The following RAP1A variants were observed in gnomAD, a reference collection of about 807,000 sequenced individuals.
RAP1A encodes the protein RAP1A, member of RAS oncogene family.
Under a neutral mutation model 26.4 loss-of-function variants are expected in RAP1A, and 6 were observed. The ratio of observed to expected loss-of-function variants is 0.23; its 90% CI spans 0.12 to 0.45. The LOEUF is 0.45. Among genes scored for constraint, RAP1A ranks in the 20% least tolerant of loss-of-function variants. The probability of loss-of-function intolerance (pLI) is 0.99; values close to 1 mark genes in which losing one functional copy is unlikely to be tolerated. For synonymous variants in RAP1A, 73 were observed against 79.4 expected (o/e 0.92, Z 0.43); for missense variants, 121 against 217.2 (o/e 0.56, Z 2.78).
intron 1 of RAP1A, among the ~76,000 whole-genome samples, chr1:111,637,433 T>G (rs1659759080): frequency 1.3e-5 from 2 of 152,224 alleles, no homozygotes; most frequent in African/African-American, 4.8e-5. Context: ...GTTTATGTAT[T>G]GTATGTATAT....
At chr1:111,612,493 C>A (rs1349147803) in intron 1 of RAP1A, among the ~76,000 whole-genome samples, 1 of 152,192 alleles carries the variant, frequency 6.6e-6, no homozygotes, top group Non-Finnish European at 1.5e-5. Flanking sequence ...CCATGGGTAT[C>A]TTCCACTCTG....
At chr1:111,690,030 C>A (rs897748372) in intron 1 of RAP1A, among the ~76,000 whole-genome samples, 3 of 152,140 alleles carry the variant, frequency 2.0e-5, no homozygotes, top group African/African-American at 7.2e-5. Flanking sequence ...GGATGCTGGA[C>A]ATTGTTAATT....
At chr1:111,622,659 ATTGT>A (rs1470289488) in intron 1 of RAP1A, among the ~76,000 whole-genome samples, 1 of 152,216 alleles carries the variant, frequency 6.6e-6, no homozygotes, top group Non-Finnish European at 1.5e-5. Context: ...ATTGGACATT[ATTGT>A]TTAACATTTA....
At chr1:111,561,971 A>T (rs1657758452) in intron 1 of RAP1A, among the ~76,000 whole-genome samples, 1 of 151,782 alleles carries the variant, frequency 6.6e-6, no homozygotes, top group African/African-American at 2.4e-5. Context: ...GGTCATCCCT[A>T]GTTTAAATTT....
intron 1 of RAP1A, among the ~76,000 whole-genome samples, chr1:111,625,880 T>C (rs1358589827): frequency 6.6e-6 from 1 of 152,126 alleles, no homozygotes; most frequent in Non-Finnish European, 1.5e-5. Flanking sequence ...GGGCTCAAGC[T>C]ATCCTCCCAC....
At chr1:111,694,130 C>A (rs1661758621) in intron 2 of RAP1A, among the ~76,000 whole-genome samples, 1 of 152,174 alleles carries the variant, frequency 6.6e-6, no homozygotes, top group Admixed American at 6.5e-5. Context: ...TCAAGCAATC[C>A]TCCTGCCTTG....
chr1:111,552,071 T>C (rs865828757), intron 1 of RAP1A, among the ~76,000 whole-genome samples: 1 of 152,258 alleles, frequency 6.6e-6, no homozygotes, highest in Admixed American at 6.5e-5. Flanking sequence ...CCAACTGTTA[T>C]CCATTGTCTC....
At position 111,553,443 on chromosome 1, in the gene RAP1A, A is replaced by G. The variant is rs1657353370; in HGVS notation, c.-28+10934A>G. On this transcript the variant is annotated intron_variant, in intron 1 of 7. Coordinates refer to the RAP1A transcript ENST00000356415. ...TAGAGTCGTTTGTCTCTGACTCAGG[A>G]GTCTCATGTCTTCCACCATCATCCA... 2.0e-5 allele frequency among the ~76,000 whole-genome samples: 3 copies of G among 151,902 alleles called. No homozygotes were observed. In the South Asian group the frequency reaches 6.3e-4, roughly 32 times the overall value.
At chr1:111,607,592 G>A in intron 1 of RAP1A, among the ~76,000 whole-genome samples, 1 of 150,826 alleles carries the variant, frequency 6.6e-6, no homozygotes, top group East Asian at 2.0e-4. Context: ...GGGGCGGCTG[G>A]GCAGAGGCGC....
At chr1:111,614,581 A>C (rs1324642933) in intron 1 of RAP1A, among the ~76,000 whole-genome samples, 1 of 152,216 alleles carries the variant, frequency 6.6e-6, no homozygotes, top group African/African-American at 2.4e-5. Context: ...GGGAGGAAGA[A>C]ATTCTCAGCC....
intron 1 of RAP1A, among the ~76,000 whole-genome samples, chr1:111,690,735 T>G (rs1188550733): frequency 3.9e-5 from 6 of 152,250 alleles, no homozygotes; most frequent in Non-Finnish European, 7.3e-5. Context: ...AAAATAAAGT[T>G]TACGTTCCTT....
intron 1 of RAP1A, among the ~76,000 whole-genome samples, chr1:111,690,009 A>T (rs1661620223): frequency 6.6e-6 from 1 of 151,834 alleles, no homozygotes; most frequent in Non-Finnish European, 1.5e-5. Context: ...CATTTCTATT[A>T]ATTTTTTATT....
intron 1 of RAP1A, among the ~76,000 whole-genome samples, chr1:111,570,939 G>C (rs1014797144): frequency 6.6e-6 from 1 of 152,198 alleles, no homozygotes; most frequent in African/African-American, 2.4e-5. Context: ...TTTTGGTGAA[G>C]ACAAACCATA....
At chr1:111,648,972 A>T (rs998861460) in intron 1 of RAP1A, 2 of 646,196 alleles carry the variant, frequency 3.1e-6, no homozygotes, top group Admixed American at 3.6e-5. Flanking sequence ...GAGAGCCTCG[A>T]TCTCTGGCTT....
intron 1 of RAP1A, among the ~76,000 whole-genome samples, chr1:111,684,528 C>T (rs767867156): frequency 1.3e-5 from 2 of 152,144 alleles, no homozygotes; most frequent in Non-Finnish European, 2.9e-5. Flanking sequence ...AACTCCCATT[C>T]ACAATTGCTA....
intron 1 of RAP1A, among the ~76,000 whole-genome samples, chr1:111,620,290 C>T (rs1245254328): frequency 1.3e-5 from 2 of 152,260 alleles, no homozygotes; most frequent in African/African-American, 4.8e-5. Context: ...AGCCCATTTC[C>T]CTCGCCGTCT....
intron 1 of RAP1A, among the ~76,000 whole-genome samples, chr1:111,609,789 C>G (rs1386212694): frequency 7.9e-5 from 12 of 152,160 alleles, no homozygotes; most frequent in Non-Finnish European, 1.5e-5. Flanking sequence ...GCACGCACCA[C>G]CATACCCGGC....
In RAP1A at chr1:111,607,633, G is replaced by A. The variant is rs1470225135; in HGVS notation, c.-28+65124G>A. 3.4e-5 allele frequency among the ~76,000 whole-genome samples: 5 copies of A among 148,412 alleles called. 1 individual carries two copies. Among genetic ancestry groups the A allele is most frequent in the Non-Finnish European group, 7.5e-5 (5 of 66,674 alleles). ...ACCTCCCGGACAGGGTGGCTGGCCG[G>A]GCGGGGGGCTGACCCCGCCACGTCC... On this transcript the variant is annotated intron_variant, in intron 1 of 7. Transcript: ENST00000356415.
At chr1:111,568,064 G>T (rs148836823) in intron 1 of RAP1A, among the ~76,000 whole-genome samples, 4 of 152,284 alleles carry the variant, frequency 2.6e-5, no homozygotes, top group African/African-American at 9.6e-5. Flanking sequence ...CAGGGGAAAT[G>T]CAAGAATGAT....
Sources: gnomAD v4.1 joint callset for allele counts (sites outside exome capture counted in the v4.1 genomes callset) on GRCh38, gnomAD v4.1.1 for gene constraint, MANE v1.5 for transcripts, NCBI Gene and HGNC (gene_info 2026-07-23, HGNC 2026-07-21) for gene names.